The following PDLIM5 variants were observed in gnomAD, a reference collection of about 807,000 sequenced individuals.
The protein encoded by PDLIM5 is PDZ and LIM domain protein 5.
A neutral mutation model predicts 64.2 loss-of-function variants in PDLIM5; 34 were observed. That is an observed-to-expected ratio of 0.53 (90% CI 0.40 to 0.71). The LOEUF (loss-of-function observed/expected upper bound fraction) is 0.71, where lower values mean the gene tolerates loss of function less well. Ranked by LOEUF, PDLIM5 falls within the 30% of genes least tolerant of loss-of-function variation. The pLI, the probability that PDLIM5 is intolerant of heterozygous loss-of-function variation, is 0.00. For synonymous variants in PDLIM5, 253 were observed against 269.1 expected (o/e 0.94, Z 0.59); for missense variants, 683 against 733.6 (o/e 0.93, Z 0.80).
intron 3 of PDLIM5, among the ~76,000 whole-genome samples, chr4:94,567,094 G>A (rs907796530): frequency 6.6e-6 from 1 of 152,278 alleles, no homozygotes; most frequent in Non-Finnish European, 1.5e-5. Context: ...CCCGGTTCAC[G>A]CTGTTCTCCT....
intron 3 of PDLIM5, among the ~76,000 whole-genome samples, chr4:94,570,952 G>C (rs942597937): frequency 2.6e-5 from 4 of 152,038 alleles, no homozygotes; most frequent in African/African-American, 9.7e-5. Context: ...TATCATTCTA[G>C]TTCTATTGTC....
intron 2 of PDLIM5, among the ~76,000 whole-genome samples, chr4:94,476,437 A>G (rs1004862178): frequency 6.6e-6 from 1 of 152,200 alleles, no homozygotes; most frequent in Non-Finnish European, 1.5e-5. Context: ...ATACATATAT[A>G]TATTCCAGTT....
chr4:94,662,552 A>G lies in PDLIM5; in HGVS notation c.1701+15A>G. 1 of 1,274,312 alleles carries G rather than the reference A, an allele frequency of 7.8e-7. No homozygotes were observed. The allele number at this position is 1,274,312 out of a possible 1,614,324, so 78.9% of individuals were successfully genotyped here. On this transcript the variant is annotated intron_variant, in intron 12 of 12. Coordinates refer to ENST00000317968, the MANE Select transcript of PDLIM5 (RefSeq NM_006457.5). Reference sequence around the variant, plus strand: ...TTGTATGCTCAGTAAGTAGAGTCTTATTTCCTAATTAAAGGGGTATAGTAT... The same window carrying G: ...TTGTATGCTCAGTAAGTAGAGTCTTGTTTCCTAATTAAAGGGGTATAGTAT...
intron 7 of PDLIM5, among the ~76,000 whole-genome samples, chr4:94,602,122 T>C (rs1389468291): frequency 1.3e-5 from 2 of 152,206 alleles, no homozygotes; most frequent in African/African-American, 4.8e-5. Context: ...GTCATTTTCC[T>C]CCTTTACCTT....
chr4:94,461,385 G>A (rs1723864410), intron 2 of PDLIM5, among the ~76,000 whole-genome samples: 1 of 152,210 alleles, frequency 6.6e-6, no homozygotes, highest in African/African-American at 2.4e-5. Context: ...CTAAAGAGCA[G>A]TGACCATGGT....
chr4:94,515,807 A>G (rs1238282016), intron 2 of PDLIM5, among the ~76,000 whole-genome samples: 1 of 152,168 alleles, frequency 6.6e-6, no homozygotes, highest in Non-Finnish European at 1.5e-5. Flanking sequence ...AGTCTTTATA[A>G]TTATTTGTGA....
intron 2 of PDLIM5, among the ~76,000 whole-genome samples, chr4:94,503,371 A>G (rs1436263084): frequency 6.6e-6 from 1 of 152,306 alleles, no homozygotes; most frequent in Non-Finnish European, 1.5e-5. Flanking sequence ...TATTACTGCA[A>G]GAGGATTTCT....
intron 7 of PDLIM5, among the ~76,000 whole-genome samples, chr4:94,607,021 C>T (rs1228760744): frequency 6.6e-6 from 1 of 152,206 alleles, no homozygotes; most frequent in Non-Finnish European, 1.5e-5. Context: ...GCCAGCATGC[C>T]GTGGTTTGCT....
intron 2 of PDLIM5, among the ~76,000 whole-genome samples, chr4:94,505,089 T>C (rs754169261): frequency 1.3e-5 from 2 of 152,150 alleles, no homozygotes; most frequent in Non-Finnish European, 2.9e-5. Flanking sequence ...CTTCTGACAA[T>C]AGACATGTGG....
intron 9 of PDLIM5, 21 bp downstream of exon 9, chr4:94,640,471 T>G: frequency 6.6e-7 from 1 of 1,509,022 alleles, no homozygotes; most frequent in Non-Finnish European, 9.0e-7. Flanking sequence ...TTTTGAAATT[T>G]TCTTGAAAGT....
intron 7 of PDLIM5, chr4:94,611,065 C>T (rs937065473): frequency 2.0e-5 from 31 of 1,531,642 alleles, no homozygotes; most frequent in Admixed American, 1.8e-4. Context: ...TAAATGCTTA[C>T]CAGGCTCTAC....
chr4:94,526,084 C>T (rs1174850909), intron 3 of PDLIM5, among the ~76,000 whole-genome samples: 1 of 152,166 alleles, frequency 6.6e-6, no homozygotes, highest in African/African-American at 2.4e-5. Flanking sequence ...TTTACACATT[C>T]TAAAACTGAA....
chr4:94,586,645 G>T (rs116064695), intron 7 of PDLIM5, among the ~76,000 whole-genome samples: 1 of 152,148 alleles, frequency 6.6e-6, no homozygotes, highest in Non-Finnish European at 1.5e-5. Context: ...GGATTTTAAG[G>T]CTTGTTTTCC....
intron 3 of PDLIM5, among the ~76,000 whole-genome samples, chr4:94,538,795 G>T (rs566788730): frequency 1.3e-5 from 2 of 152,142 alleles, no homozygotes; most frequent in African/African-American, 4.8e-5. Flanking sequence ...CCCTCCACTT[G>T]ATTCTAGGGT....
chr4:94,560,978 C>T (rs1032531955), intron 3 of PDLIM5, among the ~76,000 whole-genome samples: 7 of 152,244 alleles, frequency 4.6e-5, no homozygotes, highest in South Asian at 2.1e-4. Context: ...CCGCCCGCCT[C>T]GGCCTCCCAA....
chr4:94,556,927 A>G (rs1733387333), intron 3 of PDLIM5, among the ~76,000 whole-genome samples: 1 of 152,082 alleles, frequency 6.6e-6, no homozygotes, highest in Non-Finnish European at 1.5e-5. Flanking sequence ...CCATTTGTCA[A>G]TTTTGGCTTT....
intron 3 of PDLIM5, among the ~76,000 whole-genome samples, chr4:94,560,199 A>G (rs1452761067): frequency 6.6e-6 from 1 of 152,190 alleles, no homozygotes; most frequent in Non-Finnish European, 1.5e-5. Context: ...AAAAGGAGTC[A>G]TTGAGTTCAC....
chr4:94,514,133 CTTTTTTTTTT>C (rs34757067), intron 2 of PDLIM5, among the ~76,000 whole-genome samples: 1 of 115,140 alleles, frequency 8.7e-6, no homozygotes, highest in Non-Finnish European at 1.7e-5. Context: ...CTAGTATTTT[CTTTTTTTTTT>C]TTTTTTTTTG....
At chr4:94,466,315 T>A (rs1259553342) in intron 2 of PDLIM5, among the ~76,000 whole-genome samples, 1 of 152,184 alleles carries the variant, frequency 6.6e-6, no homozygotes, top group Non-Finnish European at 1.5e-5. Flanking sequence ...CAAAAACTTG[T>A]ATGTATGGGA....
Sources: gnomAD v4.1 joint callset for allele counts (sites outside exome capture counted in the v4.1 genomes callset) on GRCh38, gnomAD v4.1.1 for gene constraint, MANE v1.5 for transcripts, NCBI Gene and HGNC (gene_info 2026-07-23, HGNC 2026-07-21) for gene names.